Variants in FHOD3 observed in about 807,000 individuals in gnomAD.
The protein encoded by FHOD3 is formin homology 2 domain containing 3, also known as FH1/FH2 domain-containing protein 3.
A neutral mutation model predicts 173.0 loss-of-function variants in FHOD3; 90 were observed. That is an observed-to-expected ratio of 0.52 (90% CI 0.44 to 0.62). The LOEUF (loss-of-function observed/expected upper bound fraction) is 0.62. Among genes scored for constraint, FHOD3 ranks in the 20% least tolerant of loss-of-function variants. FHOD3 has a pLI of 0.00. For missense variants in FHOD3, 1,945 were observed against 2,034.7 expected, an observed-to-expected ratio of 0.96 and a Z score of 0.85; for synonymous variants, 828 against 823.0, an observed-to-expected ratio of 1.01 and a Z score of -0.10.
At chr18:36,603,735 C>T (rs1169990149) in intron 8 of FHOD3, among the ~76,000 whole-genome samples, 9 of 152,052 alleles carry the variant, frequency 5.9e-5, no homozygotes, top group Non-Finnish European at 8.8e-5. Flanking sequence ...AACTCTTGCC[C>T]GCATGTGGTC....
rs1440797369 is a variant in FHOD3, at chr18:36,384,387, C to CA, written c.337+11650dup. On this transcript the variant is annotated intron_variant, in intron 3 of 28. Transcript: ENST00000590592. ...AGAGTGAGACTCTGTCTCAAAAAAA[C>CA]AAAAAAACAAACACAAAAAACACCT... Among the ~76,000 whole-genome samples the CA allele has an allele frequency of 1.1e-4, 17 of 149,696 alleles. No homozygotes were observed. In the East Asian group the frequency reaches 2.5e-3, roughly 22 times the overall value.
At chr18:36,684,182 A>G (rs1482403222) in intron 15 of FHOD3, among the ~76,000 whole-genome samples, 1 of 152,246 alleles carries the variant, frequency 6.6e-6, no homozygotes, top group Admixed American at 6.5e-5. Flanking sequence ...GCAGGTTACA[A>G]CTTGCAGGTT....
At chr18:36,554,485 G>A (rs1219431597) in intron 5 of FHOD3, among the ~76,000 whole-genome samples, 1 of 148,918 alleles carries the variant, frequency 6.7e-6, no homozygotes, top group African/African-American at 2.5e-5. Flanking sequence ...GGGGCCTGTC[G>A]TGGGGTGGGG....
intron 5 of FHOD3, among the ~76,000 whole-genome samples, chr18:36,556,428 A>G (rs753693829): frequency 2.1e-4 from 32 of 152,268 alleles, no homozygotes; most frequent in Non-Finnish European, 4.6e-4. Context: ...AGACCCAACT[A>G]TGGAACTTGA....
At chr18:36,432,098 C>T (rs575789097) in intron 3 of FHOD3, among the ~76,000 whole-genome samples, 2 of 152,126 alleles carry the variant, frequency 1.3e-5, no homozygotes, top group African/African-American at 2.4e-5. Context: ...TCTCAGGGAA[C>T]GGAGAGCAGT....
intron 5 of FHOD3, among the ~76,000 whole-genome samples, 166 bp from the exon 6 acceptor site, chr18:36,576,285 T>C (rs1487602881): frequency 6.6e-6 from 1 of 152,202 alleles, no homozygotes; most frequent in Non-Finnish European, 1.5e-5. Flanking sequence ...ACACTTTCTC[T>C]CTGAAATGAG....
chr18:36,454,634 G>A (rs954717769), intron 3 of FHOD3, among the ~76,000 whole-genome samples: 1 of 151,544 alleles, frequency 6.6e-6, no homozygotes, highest in African/African-American at 2.4e-5. Flanking sequence ...CAGTTTGTTT[G>A]GATTCACTAG....
intron 17 of FHOD3, among the ~76,000 whole-genome samples, chr18:36,701,573 C>T (rs2039591124): frequency 6.6e-6 from 1 of 152,124 alleles, no homozygotes; most frequent in African/African-American, 2.4e-5. Context: ...AAGTGCATGT[C>T]CCTGAGGGAG....
chr18:36,305,193 A>G (rs971170559), intron 1 of FHOD3, among the ~76,000 whole-genome samples: 1 of 152,252 alleles, frequency 6.6e-6, no homozygotes, highest in Non-Finnish European at 1.5e-5. Context: ...TTAGAGACAC[A>G]TAGTAACAAA....
At chr18:36,519,973 T>A (rs112281329) in intron 5 of FHOD3, among the ~76,000 whole-genome samples, 5 of 150,244 alleles carry the variant, frequency 3.3e-5, no homozygotes, top group African/African-American at 9.9e-5. Flanking sequence ...TTTTTTTTTT[T>A]AAAGAGATGT....
At chr18:36,428,916 A>G (rs924660632) in intron 3 of FHOD3, among the ~76,000 whole-genome samples, 6 of 152,212 alleles carry the variant, frequency 3.9e-5, no homozygotes, top group African/African-American at 1.2e-4. Context: ...TCTTCAGATG[A>G]CAGTGTGGGC....
chr18:36,592,117 G>A (rs922475607), intron 6 of FHOD3, among the ~76,000 whole-genome samples: 3 of 152,200 alleles, frequency 2.0e-5, no homozygotes, highest in Non-Finnish European at 2.9e-5. Flanking sequence ...TATTCAGGAG[G>A]CTGAGGCAGG....
At chr18:36,672,433 G>T (rs760763771) in intron 14 of FHOD3, among the ~76,000 whole-genome samples, 10 of 152,076 alleles carry the variant, frequency 6.6e-5, no homozygotes, top group Non-Finnish European at 1.0e-4. Flanking sequence ...CATCTCATTT[G>T]ATATCTAGCA....
At chr18:36,502,135 A>G (rs2055063601) in intron 4 of FHOD3, 136 bp downstream of exon 4, 1 of 460,260 alleles carries the variant, frequency 2.2e-6, no homozygotes, top group African/African-American at 2.0e-5. Flanking sequence ...ATTACAATAT[A>G]CATTAGGTCA....
At chr18:36,735,246 A>T (rs1175296116) in intron 20 of FHOD3, among the ~76,000 whole-genome samples, 2 of 152,222 alleles carry the variant, frequency 1.3e-5, no homozygotes, top group Non-Finnish European at 2.9e-5. Context: ...AAATGACAGC[A>T]TCTTTGAAAG....
chr18:36,717,541 G>A (rs1247454357), intron 18 of FHOD3, among the ~76,000 whole-genome samples: 1 of 152,094 alleles, frequency 6.6e-6, no homozygotes, highest in Non-Finnish European at 1.5e-5. Flanking sequence ...GTCCTGACCC[G>A]CTGCCTTGGG....
At chr18:36,742,679 G>A (rs995535085) in intron 21 of FHOD3, 58 bp from the exon 22 acceptor site, 17 of 1,567,530 alleles carry the variant, frequency 1.1e-5, no homozygotes, top group Non-Finnish European at 1.5e-5. Flanking sequence ...AAAGTCAGAA[G>A]AACAAAGTAA....
intron 4 of FHOD3, among the ~76,000 whole-genome samples, chr18:36,511,400 T>TA (rs2146305697): frequency 6.6e-6 from 1 of 152,100 alleles, no homozygotes; most frequent in African/African-American, 2.4e-5. Flanking sequence ...TCCTGAGTCT[T>TA]AGTGTCTTTA....
chr18:36,351,351 A>G (rs1367358524), intron 1 of FHOD3, among the ~76,000 whole-genome samples: 1 of 152,154 alleles, frequency 6.6e-6, no homozygotes. Context: ...GGCAGCCTCT[A>G]TCCTGGAGGG....
Sources: allele counts gnomAD v4.1 joint callset (sites outside exome capture counted in the v4.1 genomes callset), GRCh38; gene constraint gnomAD v4.1.1; transcripts MANE v1.5; gene names NCBI Gene and HGNC (gene_info 2026-07-23, HGNC 2026-07-21).